Variants in LINC00305 observed in about 807,000 individuals in gnomAD.
LINC00305 encodes long independently transcribed non-coding RNA 305, also known as long intergenic non-protein coding RNA 305.
chr18:64,110,059 T>C (rs550229640), intron 1 of LINC00305, among the ~76,000 whole-genome samples: 4 of 152,310 alleles, frequency 2.6e-5, no homozygotes, highest in Admixed American at 6.5e-5. Context: ...ATATGGCCCA[T>C]GGAAGCCAAA....
intron 3 of LINC00305, among the ~76,000 whole-genome samples, chr18:64,095,038 T>G (rs983803171): frequency 2.6e-5 from 4 of 152,122 alleles, no homozygotes; most frequent in African/African-American, 9.7e-5. Flanking sequence ...GAATTAGCCT[T>G]GACTGATCAT....
At chr18:64,091,701 C>T (rs1246494428) in intron 3 of LINC00305, among the ~76,000 whole-genome samples, 2 of 152,198 alleles carry the variant, frequency 1.3e-5, no homozygotes, top group African/African-American at 4.8e-5. Context: ...AAATCTGCTT[C>T]TTCATTTCAC....
intron 3 of LINC00305, among the ~76,000 whole-genome samples, chr18:64,095,740 T>C (rs2051242590): frequency 6.6e-6 from 1 of 151,958 alleles, no homozygotes; most frequent in Non-Finnish European, 1.5e-5. Context: ...CAGAGAGAAA[T>C]AGCAGATAGA....
chr18:64,106,243 C>T (rs1423278363), intron 1 of LINC00305, among the ~76,000 whole-genome samples: 1 of 152,138 alleles, frequency 6.6e-6, no homozygotes, highest in Non-Finnish European at 1.5e-5. Flanking sequence ...CTCTGAATCC[C>T]CTTGCTCTTG....
At chr18:64,108,528 T>A (rs1339355970) in intron 1 of LINC00305, among the ~76,000 whole-genome samples, 3 of 152,182 alleles carry the variant, frequency 2.0e-5, no homozygotes, top group Non-Finnish European at 4.4e-5. Flanking sequence ...TTCCCATTCC[T>A]TGGTCACAGA....
intron 1 of LINC00305, among the ~76,000 whole-genome samples, chr18:64,116,436 A>G (rs536963858): frequency 1.3e-5 from 2 of 152,316 alleles, no homozygotes; most frequent in South Asian, 4.1e-4. Context: ...CATCTTAAGA[A>G]TATTTATTTC....
At chr18:64,132,476 C>G (rs896346391) in intron 1 of LINC00305, among the ~76,000 whole-genome samples, 1 of 152,136 alleles carries the variant, frequency 6.6e-6, no homozygotes, top group Non-Finnish European at 1.5e-5. Context: ...TCCGTACATA[C>G]GTCACCTTGT....
chr18:64,095,178 C>T (rs1043731734), intron 3 of LINC00305, among the ~76,000 whole-genome samples: 1 of 152,090 alleles, frequency 6.6e-6, no homozygotes, highest in Non-Finnish European at 1.5e-5. Context: ...CGATTTCTAA[C>T]AGCAAGCAGA....
chr18:64,106,263 T>A (rs997860935), intron 1 of LINC00305, among the ~76,000 whole-genome samples: 2 of 152,180 alleles, frequency 1.3e-5, no homozygotes, highest in Non-Finnish European at 2.9e-5. Context: ...GAGGTTAGCA[T>A]CTCCCAGCAT....
At chr18:64,148,403 A>T (rs933210575) in intron 1 of LINC00305, among the ~76,000 whole-genome samples, 9 of 24,268 alleles carry the variant, frequency 3.7e-4, no homozygotes, top group Non-Finnish European at 6.5e-4. Context: ...AATAAGAAAA[A>T]TGCATTTTTT....
At chr18:64,109,960 T>G (rs1181142032) in intron 1 of LINC00305, among the ~76,000 whole-genome samples, 1 of 152,178 alleles carries the variant, frequency 6.6e-6, no homozygotes, top group Non-Finnish European at 1.5e-5. Context: ...CTTAAATCAT[T>G]GTGAGTTTTT....
chr18:64,097,986 G>A, exon 3 of LINC00305: 1 of 457,814 alleles, frequency 2.2e-6, no homozygotes. Context: ...GCAGGTCGCA[G>A]AGATGGCTAC....
intron 1 of LINC00305, among the ~76,000 whole-genome samples, chr18:64,125,555 C>G (rs909773748): frequency 6.6e-6 from 1 of 151,932 alleles, no homozygotes; most frequent in East Asian, 1.9e-4. Flanking sequence ...TTAAGTATGT[C>G]GCAATTTTTT....
chr18:64,144,747 C>T (rs530773490), intron 1 of LINC00305, among the ~76,000 whole-genome samples: 44 of 152,248 alleles, frequency 2.9e-4, no homozygotes, highest in African/African-American at 1.0e-3. Flanking sequence ...TACAAAATTG[C>T]ATGCAGGATT....
intron 1 of LINC00305, among the ~76,000 whole-genome samples, chr18:64,143,630 A>C (rs1057137903): frequency 1.1e-4 from 13 of 114,994 alleles, no homozygotes; most frequent in African/African-American, 4.5e-4. Flanking sequence ...ATATGTATGT[A>C]CACGTATTAT....
At chr18:64,134,821 A>G (rs1051102933) in intron 1 of LINC00305, among the ~76,000 whole-genome samples, 1 of 152,228 alleles carries the variant, frequency 6.6e-6, no homozygotes, top group Admixed American at 6.5e-5. Context: ...ACATCGAGTT[A>G]TAAATTATGA....
At chr18:64,091,163 G>A (rs2051223468) in intron 3 of LINC00305, among the ~76,000 whole-genome samples, 1 of 152,164 alleles carries the variant, frequency 6.6e-6, no homozygotes, top group Non-Finnish European at 1.5e-5. Flanking sequence ...GAACATCATT[G>A]CCTCTTTCTG....
intron 1 of LINC00305, among the ~76,000 whole-genome samples, chr18:64,108,253 C>T (rs1022864495): frequency 2.6e-5 from 4 of 152,126 alleles, no homozygotes; most frequent in African/African-American, 4.8e-5. Context: ...TGCCAGCATG[C>T]TAAGAACTTG....
intron 1 of LINC00305, among the ~76,000 whole-genome samples, chr18:64,103,322 T>C (rs1007524381): frequency 6.6e-6 from 1 of 151,022 alleles, no homozygotes; most frequent in African/African-American, 2.4e-5. Context: ...ACTGTTGAAC[T>C]GAAAGTTCAA....
Sources: gnomAD v4.1 joint callset for allele counts (sites outside exome capture counted in the v4.1 genomes callset) on GRCh38, gnomAD v4.1.1 for gene constraint, MANE v1.5 for transcripts, NCBI Gene and HGNC (gene_info 2026-07-23, HGNC 2026-07-21) for gene names.